Variants in FLNA observed in about 807,000 individuals in gnomAD.
The protein encoded by FLNA is filamin-A.
Under a neutral mutation model 157.6 loss-of-function variants are expected in FLNA, and 7 were observed. That is an observed-to-expected ratio of 0.04 (90% CI 0.03 to 0.08). The LOEUF (loss-of-function observed/expected upper bound fraction) is 0.08, where lower values mean the gene tolerates loss of function less well. FLNA is among the 10% of genes least tolerant of loss of function. The probability of loss-of-function intolerance (pLI) is 1.00; values close to 1 mark genes in which losing one functional copy is unlikely to be tolerated. For synonymous variants in FLNA, 1,103 were observed against 1,060.8 expected, an observed-to-expected ratio of 1.04 and a Z score of -0.77; for missense variants, 1,750 against 2,398.4, an observed-to-expected ratio of 0.73 and a Z score of 5.65.
chrX:154,368,600 T>G (rs1169574402), intron 2 of FLNA, among the ~76,000 whole-genome samples: 1 of 110,223 alleles, frequency 9.1e-6, no homozygotes, highest in African/African-American at 3.3e-5. Flanking sequence ...ATACAACTGT[T>G]GTTCCAGGGT....
rs1557175628 is a variant in FLNA, at chrX:154,350,983, T to G, written c.7082A>C (p.Lys2361Thr). The change falls in exon 44 of 48, where the codon AAG becomes ACG. Residue 2361 changes from lysine (K) to threonine (T), a missense_variant. This residue lies in a region of FLNA where 970 missense variants were observed against 1,302.6 expected (regional missense o/e 0.74). Coordinates refer to ENST00000369850, the MANE Select transcript of FLNA (RefSeq NM_001110556.2). ...ASFAVSLNGAKGAIDAKVHSP... is the reference protein window; with the variant it reads ...ASFAVSLNGATGAIDAKVHSP... ...GTGCACCTTGGCATCGATCGCCCCC[T>G]TGGCCCCGTTCAGGCTGACTGCAAA... 1.7e-6 allele frequency: 2 copies of G among 1,209,840 alleles called. No homozygotes were observed. Among genetic ancestry groups the G allele is most frequent in the Admixed American group, 4.4e-5 (2 of 45,892 alleles).
rs2067673214 is a variant in FLNA at position 154,357,617 on chromosome X, C to T, written c.4762G>A (p.Glu1588Lys). The T allele has an allele frequency of 4.1e-6, 5 of 1,211,227 alleles. No individual in the cohort carries two copies. Among genetic ancestry groups the T allele is most frequent in the Non-Finnish European group, 5.6e-6 (5 of 895,095 alleles). Residue 1588 changes from glutamate to lysine, a missense_variant, in exon 29 of 48, where the codon GAA becomes AAA. Around this residue, in one of 5 missense-constraint regions of FLNA, gnomAD observed 970 missense variants for 1,302.6 expected, o/e 0.74. Transcript: ENST00000369850. Reference sequence around the variant, plus strand: ...ATGTGTGTCTTCTTCGGCTTGCCTTCGGGATCCTGTGTGGCAGAGGCAGGG... The same window carrying T: ...ATGTGTGTCTTCTTCGGCTTGCCTTTGGGATCCTGTGTGGCAGAGGCAGGG... ...GLLAVQITDP[E>K]GKPKKTHIQD...
chrX:154,370,745 G>C, intron 2 of FLNA, 128 bp downstream of exon 2: 1 of 742,153 alleles, frequency 1.3e-6, no homozygotes, highest in Non-Finnish European at 2.0e-6. Flanking sequence ...GTGGAGCAGA[G>C]CAGCCGGAGG....
intron 30 of FLNA, among the ~76,000 whole-genome samples, chrX:154,356,621 A>C (rs1054361795): frequency 9.1e-6 from 1 of 110,452 alleles, no homozygotes; most frequent in African/African-American, 3.3e-5. Context: ...CCTGTTGGGG[A>C]ATGTCTGAAT....
Position 154,357,516 on chromosome X carries a change from C to T in FLNA, c.4863G>A (p.Lys1621=), listed in dbSNP as rs2067672229. The change falls in exon 29 of 48, where the codon AAG becomes AAA. Residue 1621 remains lysine (K), a synonymous_variant. Coordinates refer to ENST00000369850, the MANE Select transcript of FLNA (RefSeq NM_001110556.2). ...AGAAGGGGATCTCGTCACCACCGTACTTGATGAGGATGGTGTAGCGACCTG... is the reference window on the plus strand; with the variant it reads ...AGAAGGGGATCTCGTCACCACCGTATTTGATGAGGATGGTGTAGCGACCTG... ...DVTGRYTILI[K]YGGDEIPFSP... is the part of the protein sequence containing the mutation. 8.3e-7 allele frequency: 1 copy of T among 1,210,749 alleles called. No homozygotes were observed. The highest frequency in any genetic ancestry group is 1.7e-5 in the African/African-American group (1 of 57,570).
chrX:154,361,046 C>CAAAAAAAAAAAAAAAAAAAAAAAAAAAAA (rs59672916), intron 21 of FLNA, among the ~76,000 whole-genome samples: 3 of 19,989 alleles, frequency 1.5e-4, no homozygotes, highest in Non-Finnish European at 2.4e-4. Context: ...GACTCTTTCT[C>CAAAAAAAAAAAAAAAAAAAAAAAAAAAAA]AAAAAAAAAA....
At chrX:154,364,229 C>A (rs1557178656) in intron 14 of FLNA, 30 bp downstream of exon 14, 1 of 1,208,060 alleles carries the variant, frequency 8.3e-7, no homozygotes, top group East Asian at 3.0e-5. Context: ...CCCACACCTG[C>A]CCTGCCCCCA....
intron 21 of FLNA, 68 bp downstream of exon 21, chrX:154,361,240 G>T: frequency 9.6e-7 from 1 of 1,041,820 alleles, no homozygotes; most frequent in Non-Finnish European, 1.3e-6. Context: ...TGGAGAAGAT[G>T]GGGTACCTTT....
intron 2 of FLNA, among the ~76,000 whole-genome samples, chrX:154,369,320 G>A (rs1032742847): frequency 3.4e-4 from 38 of 112,437 alleles, no homozygotes; most frequent in African/African-American, 1.2e-3. Context: ...GCCAGCCAGG[G>A]CTTCCCATCA....
At chrX:154,349,221 G>A in intron 47 of FLNA, 141 bp downstream of exon 47, 1 of 758,853 alleles carries the variant, frequency 1.3e-6, no homozygotes, top group Admixed American at 2.4e-5. Flanking sequence ...TTGTTTGAGG[G>A]GTCCAGGAGG....
intron 27 of FLNA, 33 bp downstream of exon 27, chrX:154,358,412 C>A: frequency 8.3e-7 from 1 of 1,211,127 alleles, no homozygotes. Flanking sequence ...CAGCCTGGGC[C>A]ACTCCCCACA....
chrX:154,360,486 C>G lies in FLNA; in HGVS notation c.3309G>C (p.Thr1103=). 1 of 1,211,254 alleles carries G rather than the reference C, an allele frequency of 8.3e-7. No individual in the cohort carries two copies. Among genetic ancestry groups the G allele is most frequent in the Non-Finnish European group, 1.1e-6 (1 of 895,353 alleles). The stretch of plus-strand genomic sequence containing the variant: ...GCTGCGCCTCACAGGGGCCCTCCAC[C>G]GTCAGGCCCAGGCCACCTGTGCCGG... The part of the protein sequence containing the change: ...KGAGTGGLGL[T]VEGPCEAQLE... The change falls in exon 22 of 48, where the codon ACG becomes ACC. Residue 1103 remains threonine, a synonymous_variant. Transcript: ENST00000369850.
intron 1 of FLNA, among the ~76,000 whole-genome samples, chrX:154,373,365 G>T (rs2067821919): frequency 1.8e-5 from 2 of 112,141 alleles, no homozygotes; most frequent in Non-Finnish European, 3.8e-5. Flanking sequence ...CAGGAGGTGG[G>T]TGCCGTGTCT....
rs1557175818 is a variant in FLNA at position 154,351,631 on chromosome X, C to T, written c.6973G>A (p.Val2325Met). 3 of 1,210,251 alleles carry T rather than the reference C, an allele frequency of 2.5e-6. No individual in the cohort carries two copies. Among genetic ancestry groups the T allele is most frequent in the Non-Finnish European group, 3.4e-6 (3 of 893,977 alleles). ...HIPDSPFVVP[V>M]ASPSGDARRL... ...CGGGCGTCGCCAGACGGAGAAGCCA[C>T]AGGCACCACGAAGGGGCTGTCGGGA... The change falls in exon 43 of 48, where the codon GTG becomes ATG. Residue 2325 changes from valine to methionine, a missense_variant. Coordinates refer to ENST00000369850, the MANE Select transcript of FLNA (RefSeq NM_001110556.2).
Position 154,365,496 on chromosome X carries a change from G to A in FLNA, c.1430-10C>T, listed in dbSNP as rs1418953981. On this transcript the variant is annotated splice_polypyrimidine_tract_variant and intron_variant, in intron 9 of 47. Transcript: ENST00000369850. ...GCACTCGGGTTACAGGCTGCAGGCA[G>A]AGGGGCCAGCTGAGCACCAGCAGCT... 27 of 1,208,587 alleles carry A rather than the reference G, an allele frequency of 2.2e-5. No homozygotes were observed. The highest frequency in any genetic ancestry group is 3.0e-5 in the Non-Finnish European group (27 of 894,439).
At chrX:154,373,522 T>G (rs1557180799) in intron 1 of FLNA, among the ~76,000 whole-genome samples, 1 of 112,417 alleles carries the variant, frequency 8.9e-6, no homozygotes, top group Non-Finnish European at 1.9e-5. Flanking sequence ...AATCCAGCTC[T>G]TTCATATTTT....
At chrX:154,356,954 C>T (rs2067667595) in intron 30 of FLNA, among the ~76,000 whole-genome samples, 1 of 112,072 alleles carries the variant, frequency 8.9e-6, no homozygotes, top group Admixed American at 9.3e-5. Flanking sequence ...ACCCCAAAGT[C>T]CCCAGTGGGG....
At chrX:154,359,668 C>T in intron 23 of FLNA, 22 bp from the exon 24 acceptor site, 2 of 1,210,847 alleles carry the variant, frequency 1.7e-6, no homozygotes, top group Middle Eastern at 2.3e-4. Flanking sequence ...CAGGCCAGGT[C>T]AGGAGGAGCC....
rs863223620 is a variant in FLNA, at chrX:154,362,704, G to A, written c.2361C>T (p.His787=). The A allele has an allele frequency of 9.1e-6, 11 of 1,210,441 alleles. No individual in the cohort carries two copies. The highest frequency in any genetic ancestry group is 1.2e-5 in the Non-Finnish European group (11 of 894,982). The change falls in exon 16 of 48, where the codon CAC becomes CAT. Residue 787 remains histidine (H), a synonymous_variant. Transcript: ENST00000369850. ...AGTCCACAGTGAAGTAGGTGGGCTCGTGGGCCTTGAGCCCTGTCTTGGCTA... is the reference window on the plus strand; with the variant it reads ...AGTCCACAGTGAAGTAGGTGGGCTCATGGGCCTTGAGCCCTGTCTTGGCTA... The part of the protein sequence containing the change: ...PGVAKTGLKA[H]EPTYFTVDCA...
Sources: gnomAD v4.1 joint callset for allele counts (sites outside exome capture counted in the v4.1 genomes callset) on GRCh38, gnomAD v4.1.1 for gene constraint, gnomAD v4.1.1 regional missense constraint, MANE v1.5 for transcripts, NCBI Gene and HGNC (gene_info 2026-07-23, HGNC 2026-07-21) for gene names.